Variants in RPTOR observed in about 807,000 individuals in gnomAD.
RPTOR encodes regulatory associated protein of MTOR complex 1.
In RPTOR, 21 loss-of-function variants were observed where a neutral mutation model predicts 169.9. That is an observed-to-expected ratio of 0.12 (90% confidence interval 0.09 to 0.18). The LOEUF is 0.18. Ranked by LOEUF, RPTOR falls within the 10% of genes least tolerant of loss-of-function variation. The pLI is 1.00. For synonymous variants in RPTOR, 732 were observed against 753.2 expected (o/e 0.97, Z 0.46); for missense variants, 1,133 against 1,855.9 (o/e 0.61, Z 7.16).
At position 80,963,001 on chromosome 17, in the gene RPTOR, G is replaced by A. The variant is rs753148409; in HGVS notation, c.3883G>A (p.Gly1295Ser). Residue 1295 changes from glycine (G) to serine (S), a missense_variant, in exon 33 of 34, where the codon GGC (glycine) becomes AGC (serine). Gly to Ser is a moderately conservative substitution (Grantham distance 56, BLOSUM62 0). This residue lies in a region of RPTOR where 410 missense variants were observed against 623.7 expected (regional missense o/e 0.66). Transcript: ENST00000306801. Reference sequence around the variant, plus strand: ...CATCAACAACATCAAGTACTACGACGGCTTCATGGGCCAGCGGGTCGGCGC... The same window carrying A: ...CATCAACAACATCAAGTACTACGACAGCTTCATGGGCCAGCGGGTCGGCGC... The part of the protein sequence containing the change: ...ELINNIKYYD[G>S]FMGQRVGAIS... The A allele has an allele frequency of 2.5e-6, 4 of 1,612,922 alleles. No individual in the cohort carries two copies. The highest frequency in any genetic ancestry group is 2.2e-5 in the South Asian group (2 of 90,956).
At chr17:80,641,857 A>C (rs946231338) in intron 2 of RPTOR, among the ~76,000 whole-genome samples, 5 of 152,176 alleles carry the variant, frequency 3.3e-5, no homozygotes, top group Non-Finnish European at 5.9e-5. Context: ...AATTTCTTAA[A>C]ATAAGACAAT....
intron 3 of RPTOR, among the ~76,000 whole-genome samples, chr17:80,686,063 T>G (rs1389202995): frequency 6.6e-6 from 1 of 151,954 alleles, no homozygotes; most frequent in African/African-American, 2.4e-5. Context: ...AGATTACGTG[T>G]CTCTAAGATA....
At chr17:80,732,272 C>G (rs567918137) in intron 5 of RPTOR, among the ~76,000 whole-genome samples, 1 of 152,072 alleles carries the variant, frequency 6.6e-6, no homozygotes, top group East Asian at 1.9e-4. Context: ...AAGGGAAAGA[C>G]CAATACATCA....
rs150653828 is a variant in RPTOR at position 80,585,166 on chromosome 17, TTTA to T, written c.162+39411_162+39413del. ...TCCTGTTCTTGTTTCAGTGCTTTGG[TTTA>T]TTATTATTATTATTATTATTATTAT... On this transcript the variant is annotated intron_variant, in intron 1 of 33. Transcript: ENST00000306801. 2.1e-3 allele frequency among the ~76,000 whole-genome samples: 293 copies of T among 141,614 alleles called. 2 individuals carry two copies. The highest frequency in any genetic ancestry group is 5.8e-3 in the South Asian group (26 of 4,516). 92.9% of individuals were successfully genotyped at this position (141,614 alleles called of 152,430 possible). A position where few individuals can be genotyped will look rare whatever the true frequency, so the allele number is the denominator to read the frequency against.
intron 1 of RPTOR, among the ~76,000 whole-genome samples, chr17:80,622,029 T>G (rs1369536562): frequency 6.6e-6 from 1 of 152,118 alleles, no homozygotes; most frequent in Non-Finnish European, 1.5e-5. Context: ...CTAACATCAG[T>G]TTAAGGCCTA....
In RPTOR at chr17:80,926,682, A is replaced by T. The variant is rs142338885; in HGVS notation, c.2919+1202A>T. Reference sequence around the variant, plus strand: ...ATGACAACATTCCTTAAAAAGAAAAAATGCAAAATGCAGACCAAGAAGCCA... The same window carrying T: ...ATGACAACATTCCTTAAAAAGAAAATATGCAAAATGCAGACCAAGAAGCCA... On this transcript the variant is annotated intron_variant, in intron 24 of 33. Transcript: ENST00000306801. 4.5e-3 allele frequency among the ~76,000 whole-genome samples: 681 copies of T among 152,346 alleles called. 4 individuals carry two copies. The highest frequency in any genetic ancestry group is 7.4e-3 in the Non-Finnish European group (503 of 68,026).
At position 80,878,280 on chromosome 17, in the gene RPTOR, G is replaced by C. The variant is rs1040737468; in HGVS notation, c.1510-2135G>C. Among the ~76,000 whole-genome samples, 2 of 152,098 alleles carry C rather than the reference G, an allele frequency of 1.3e-5. No individual in the cohort carries two copies. The highest frequency in any genetic ancestry group is 2.9e-5 in the Non-Finnish European group (2 of 68,032). ...CCAAGAAACACAGCATCCATGATTT[G>C]TACATCGCACTGCAGTTTCAGACTG... is the stretch of plus-strand genomic sequence containing the variant. On this transcript the variant is annotated intron_variant, in intron 13 of 33. Transcript: ENST00000306801. This position sits in a 1 kb window ranked among gnomAD's most constrained non-coding sequence, Gnocchi z 4.1.
At position 80,846,593 on chromosome 17, in the gene RPTOR, G is replaced by T. The variant is rs1567946515; in HGVS notation, c.1314+19G>T. 6.2e-7 allele frequency: 1 copy of T among 1,610,488 alleles called. No individual in the cohort carries two copies. On this transcript the variant is annotated intron_variant, in intron 11 of 33. Coordinates refer to ENST00000306801, the MANE Select transcript of RPTOR (RefSeq NM_020761.3). ...CCTGCAGGTGAGTTTCTTCAGACCG[G>T]GCCAGACAGCCGAGGTTCCTCAGGA...
At chr17:80,889,248 C>G (rs1052570022) in intron 17 of RPTOR, among the ~76,000 whole-genome samples, 5 of 152,210 alleles carry the variant, frequency 3.3e-5, no homozygotes, top group Non-Finnish European at 5.9e-5. Flanking sequence ...AGAGTTGCCC[C>G]TCGTTGAAGG....
At chr17:80,777,160 C>A (rs1598297603) in intron 6 of RPTOR, among the ~76,000 whole-genome samples, 1 of 151,566 alleles carries the variant, frequency 6.6e-6, no homozygotes, top group East Asian at 1.9e-4. Context: ...TCGCTTGAAC[C>A]AGGGAGTCGG....
At chr17:80,623,966 A>C (rs1347878621) in intron 1 of RPTOR, among the ~76,000 whole-genome samples, 1 of 152,070 alleles carries the variant, frequency 6.6e-6, no homozygotes, top group East Asian at 1.9e-4. Flanking sequence ...GGCTGTTGGC[A>C]GGCACAGTCA....
chr17:80,739,121 T>C (rs2066459803), intron 5 of RPTOR, among the ~76,000 whole-genome samples: 1 of 51,378 alleles, frequency 1.9e-5, no homozygotes, highest in South Asian at 4.9e-4. Flanking sequence ...TGCCTGGCCC[T>C]GCTTGCTGTC....
chr17:80,599,241 A>G (rs564314875), intron 1 of RPTOR, among the ~76,000 whole-genome samples: 3 of 152,302 alleles, frequency 2.0e-5, no homozygotes, highest in African/African-American at 7.2e-5. Context: ...CCATGCGGTG[A>G]GGCCCTGTGA....
intron 7 of RPTOR, among the ~76,000 whole-genome samples, chr17:80,816,426 A>G (rs1309892405): frequency 6.6e-6 from 1 of 152,192 alleles, no homozygotes; most frequent in East Asian, 1.9e-4. Context: ...GGGGACCAGC[A>G]GTGGAGAAGA....
rs938822502 is a variant in RPTOR at position 80,822,524 on chromosome 17, G to A, written c.991+223G>A. ...CAGAACGGTGGTGTGGAGAGACTGC[G>A]TGTCAGCGCTGGCCCTGACCGGTGC... On this transcript the variant is annotated intron_variant, in intron 8 of 33. Transcript: ENST00000306801. 3.3e-5 allele frequency among the ~76,000 whole-genome samples: 5 copies of A among 152,222 alleles called. No homozygotes were observed. In the South Asian group the frequency reaches 6.2e-4, roughly 19 times the overall value.
chr17:80,836,006 G>A (rs918616733), intron 9 of RPTOR, among the ~76,000 whole-genome samples: 6 of 152,140 alleles, frequency 3.9e-5, no homozygotes, highest in Non-Finnish European at 5.9e-5. Context: ...CTACGAGGAC[G>A]CTGTGAGGGA....
intron 7 of RPTOR, among the ~76,000 whole-genome samples, chr17:80,812,999 T>C (rs1419452618): frequency 1.3e-5 from 2 of 152,228 alleles, no homozygotes; most frequent in Admixed American, 6.5e-5. Flanking sequence ...CTTGTTCCCG[T>C]TCCTGTCCCT....
At chr17:80,853,980 CAA>C (rs904687630) in intron 11 of RPTOR, among the ~76,000 whole-genome samples, 4 of 109,036 alleles carry the variant, frequency 3.7e-5, no homozygotes, top group South Asian at 2.9e-4. Context: ...GACTCTGTCT[CAA>C]AAAAAAAAAA....
At chr17:80,831,537 C>T (rs528796640) in intron 9 of RPTOR, among the ~76,000 whole-genome samples, 7 of 152,346 alleles carry the variant, frequency 4.6e-5, no homozygotes, top group African/African-American at 1.7e-4. Flanking sequence ...TAGATATGAG[C>T]AGTCCTTGCT....
Sources: gnomAD v4.1 joint callset for allele counts (sites outside exome capture counted in the v4.1 genomes callset) on GRCh38, gnomAD v4.1.1 for gene constraint, gnomAD v4.1.1 regional missense constraint, Gnocchi (gnomAD v3.1) non-coding constraint, MANE v1.5 for transcripts, NCBI Gene and HGNC (gene_info 2026-07-23, HGNC 2026-07-21) for gene names.